The following AHR variants were observed in gnomAD, a reference collection of about 807,000 sequenced individuals.
AHR encodes AH-receptor.
A neutral mutation model predicts 86.8 loss-of-function variants in AHR; 40 were observed. The ratio of observed to expected loss-of-function variants is 0.46; its 90% confidence interval spans 0.36 to 0.60. The LOEUF (loss-of-function observed/expected upper bound fraction) is 0.60. Among genes scored for constraint, AHR ranks in the 20% least tolerant of loss-of-function variants. AHR has a pLI of 0.00. For missense variants in AHR, 1,001 were observed against 1,011.6 expected, an observed-to-expected ratio of 0.99 and a Z score of 0.14; for synonymous variants, 398 against 354.9, an observed-to-expected ratio of 1.12 and a Z score of -1.37.
At position 17,330,871 on chromosome 7, in the gene AHR, T is replaced by G; in HGVS notation, c.690T>G (p.Asn230Lys). ...GTCGTCTAAGGTGTCTGCTGGATAATTCATCTGGTTTTCTGGTAAGGTACA... is the reference window on the plus strand; with the variant it reads ...GTCGTCTAAGGTGTCTGCTGGATAAGTCATCTGGTTTTCTGGTAAGGTACA... Reference protein sequence around the residue: ...FICRLRCLLDNSSGFLAMNFQ... With the variant: ...FICRLRCLLDKSSGFLAMNFQ... Residue 230 changes from asparagine to lysine, a missense_variant, in exon 6 of 11, where the codon AAT becomes AAG. Around this residue, in one of 2 missense-constraint regions of AHR, gnomAD observed 394 missense variants for 468.5 expected, o/e 0.84. Coordinates refer to ENST00000242057, the MANE Select transcript of AHR (RefSeq NM_001621.5). 6.2e-7 allele frequency: 1 copy of G among 1,611,620 alleles called. No homozygotes were observed. The highest frequency in any genetic ancestry group is 1.3e-5 in the African/African-American group (1 of 74,936).
chr7:17,316,024 G>A (rs960551645), intron 2 of AHR, among the ~76,000 whole-genome samples: 6 of 152,122 alleles, frequency 3.9e-5, no homozygotes, highest in African/African-American at 1.4e-4. Flanking sequence ...GATGTTTTAA[G>A]GATGAGCAGG....
intron 6 of AHR, 80 bp from the exon 7 acceptor site, chr7:17,333,832 C>G: frequency 9.0e-7 from 1 of 1,109,966 alleles, no homozygotes; most frequent in African/African-American, 1.6e-5. Context: ...CTAGAGGCAG[C>G]CATAATGGAG....
intron 7 of AHR, 137 bp from the exon 8 acceptor site, chr7:17,334,750 A>G (rs1351119997): frequency 5.0e-6 from 3 of 605,300 alleles, no homozygotes; most frequent in Admixed American, 3.3e-5. Context: ...TTAATTTCAC[A>G]TCTACTTATG....
intron 1 of AHR, 26 bp downstream of exon 1, chr7:17,299,355 C>G (rs781208943): frequency 1.2e-6 from 2 of 1,609,558 alleles, no homozygotes; most frequent in South Asian, 1.1e-5. Flanking sequence ...GCGTCCTCAT[C>G]GCGGGGGCTG....
intron 2 of AHR, among the ~76,000 whole-genome samples, chr7:17,310,645 C>T (rs1181513042): frequency 6.6e-6 from 1 of 151,856 alleles, no homozygotes; most frequent in Non-Finnish European, 1.5e-5. Flanking sequence ...AGCGATTCTC[C>T]TGCTTCAGCC....
At chr7:17,304,351 T>C (rs938778473) in intron 1 of AHR, among the ~76,000 whole-genome samples, 1 of 152,180 alleles carries the variant, frequency 6.6e-6, no homozygotes, top group Non-Finnish European at 1.5e-5. Flanking sequence ...GACTGTATAT[T>C]GTTTACTGTT....
At chr7:17,334,823 T>G in intron 7 of AHR, 64 bp from the exon 8 acceptor site, 1 of 1,166,816 alleles carries the variant, frequency 8.6e-7, no homozygotes. Flanking sequence ...TGAATTTATC[T>G]TGGTTATTTC....
At chr7:17,313,429 T>C (rs896992594) in intron 2 of AHR, among the ~76,000 whole-genome samples, 1 of 151,986 alleles carries the variant, frequency 6.6e-6, no homozygotes, top group Non-Finnish European at 1.5e-5. Flanking sequence ...TATAAACGAG[T>C]AATCATACAA....
At chr7:17,316,586 C>T (rs1782117197) in intron 2 of AHR, among the ~76,000 whole-genome samples, 2 of 152,148 alleles carry the variant, frequency 1.3e-5, no homozygotes, top group Admixed American at 1.3e-4. Flanking sequence ...CACTGAACTT[C>T]AGGAGTGAGA....
At chr7:17,326,216 A>G (rs796242083) in intron 3 of AHR, among the ~76,000 whole-genome samples, 30 of 152,328 alleles carry the variant, frequency 2.0e-4, no homozygotes, top group African/African-American at 7.2e-4. Context: ...ACATAAAAAC[A>G]TTTAGAAAAA....
chr7:17,343,595 C>T lies in AHR; in HGVS notation c.*531C>T, dbSNP rs1320024479. 1 of 153,874 alleles carries T rather than the reference C, an allele frequency of 6.5e-6. No homozygotes were observed. Among genetic ancestry groups the T allele is most frequent in the African/African-American group, 2.4e-5 (1 of 41,466 alleles). 9.5% of individuals were successfully genotyped at this position (153,874 alleles called of 1,614,324 possible). A position where few individuals can be genotyped will look rare whatever the true frequency, so the allele number is the denominator to read the frequency against. ...ATAATCTCAGTGCTTTCCTCCTTCA[C>T]TGTTTCATCTAAGTGCCTCACATTT... On this transcript the variant is annotated 3_prime_UTR_variant, in exon 11 of 11. Transcript: ENST00000242057.
chr7:17,304,841 A>C (rs1433362337), intron 1 of AHR, among the ~76,000 whole-genome samples: 1 of 152,006 alleles, frequency 6.6e-6, no homozygotes, highest in Non-Finnish European at 1.5e-5. Context: ...TACCACTTAA[A>C]ATTTTTTTGG....
At chr7:17,319,456 G>A (rs1252905527) in intron 2 of AHR, among the ~76,000 whole-genome samples, 1 of 152,074 alleles carries the variant, frequency 6.6e-6, no homozygotes, top group Non-Finnish European at 1.5e-5. Flanking sequence ...AAATCTCTAT[G>A]ACTCTGAACA....
At chr7:17,341,487 C>G (rs1262595190) in intron 10 of AHR, among the ~76,000 whole-genome samples, 1 of 152,152 alleles carries the variant, frequency 6.6e-6, no homozygotes, top group Non-Finnish European at 1.5e-5. Flanking sequence ...CTACTTTTCA[C>G]TGCTTCTTTG....
At chr7:17,318,820 A>G (rs902901751) in intron 2 of AHR, among the ~76,000 whole-genome samples, 8 of 152,168 alleles carry the variant, frequency 5.3e-5, no homozygotes, top group Non-Finnish European at 1.0e-4. Context: ...TGTCTTTTGT[A>G]TATGTATTAT....
intron 2 of AHR, among the ~76,000 whole-genome samples, chr7:17,320,008 A>G (rs996106579): frequency 5.9e-5 from 9 of 151,924 alleles, no homozygotes; most frequent in African/African-American, 2.2e-4. Context: ...TTTGGTAGAA[A>G]CCTCCAGTGA....
intron 2 of AHR, among the ~76,000 whole-genome samples, chr7:17,311,248 A>T (rs1334617219): frequency 6.6e-6 from 1 of 152,214 alleles, no homozygotes; most frequent in Non-Finnish European, 1.5e-5. Context: ...ATAAAATCTC[A>T]GTGGGCTATG....
intron 6 of AHR, among the ~76,000 whole-genome samples, chr7:17,332,021 TG>T (rs1180631998): frequency 6.6e-6 from 1 of 151,974 alleles, no homozygotes; most frequent in African/African-American, 2.4e-5. Context: ...TGTAGAGTCA[TG>T]TCCTGCATAA....
chr7:17,321,445 G>C (rs1446840344), intron 2 of AHR, among the ~76,000 whole-genome samples: 2 of 151,768 alleles, frequency 1.3e-5, no homozygotes, highest in African/African-American at 4.8e-5. Context: ...GGTAAGGTTT[G>C]AGCCCAATTC....
Sources: gnomAD v4.1 joint callset for allele counts (sites outside exome capture counted in the v4.1 genomes callset) on GRCh38, gnomAD v4.1.1 for gene constraint, gnomAD v4.1.1 regional missense constraint, MANE v1.5 for transcripts, NCBI Gene and HGNC (gene_info 2026-07-23, HGNC 2026-07-21) for gene names.